The following TSPAN14 variants were observed in gnomAD, a reference collection of about 807,000 sequenced individuals.
TSPAN14 encodes tetraspanin-14.
Under a neutral mutation model 36.6 loss-of-function variants are expected in TSPAN14, and 16 were observed. The ratio of observed to expected loss-of-function variants is 0.44; its 90% CI spans 0.30 to 0.66. The LOEUF (loss-of-function observed/expected upper bound fraction) is 0.66, where lower values mean the gene tolerates loss of function less well. Among genes scored for constraint, TSPAN14 ranks in the 30% least tolerant of loss-of-function variants. The pLI, the probability that TSPAN14 is intolerant of heterozygous loss-of-function variation, is 0.12. For synonymous variants in TSPAN14, 139 were observed against 143.8 expected (o/e 0.97, Z 0.24); for missense variants, 231 against 355.1 (o/e 0.65, Z 2.81).
In TSPAN14 at chr10:80,509,322, A is replaced by G. The variant is rs779860643; in HGVS notation, c.301A>G (p.Ile101Val). The G allele has an allele frequency of 6.2e-7, 1 of 1,613,918 alleles. No individual in the cohort carries two copies. Among genetic ancestry groups the G allele is most frequent in the East Asian group, 2.2e-5 (1 of 44,858 alleles). The change falls in exon 5 of 9, where the codon ATC becomes GTC. Residue 101 changes from isoleucine (I) to valine (V), a missense_variant. Transcript: ENST00000429989. The surrounding 1 kb of genome is among the most constrained non-coding windows in gnomAD (Gnocchi z 4.7). The stretch of plus-strand genomic sequence containing the variant: ...GCAGTTCTGTGGCACCATCGTGCTC[A>G]TCTTCTTCCTGGAGCTGGCTGTGGC...
At chr10:80,461,999 C>T (rs1434633971) in intron 1 of TSPAN14, among the ~76,000 whole-genome samples, 1 of 151,922 alleles carries the variant, frequency 6.6e-6, no homozygotes, top group East Asian at 1.9e-4. Flanking sequence ...CTGAGGCCTC[C>T]ACCTTCCTGG....
At chr10:80,513,519 T>TAAAA (rs2132062214) in intron 6 of TSPAN14, among the ~76,000 whole-genome samples, 1 of 152,360 alleles carries the variant, frequency 6.6e-6, no homozygotes, top group South Asian at 2.1e-4. Flanking sequence ...GTGTTGCTTT[T>TAAAA]AGCACATATA....
At chr10:80,468,985 G>C (rs1313828279) in intron 1 of TSPAN14, among the ~76,000 whole-genome samples, 1 of 152,148 alleles carries the variant, frequency 6.6e-6, no homozygotes, top group African/African-American at 2.4e-5. Flanking sequence ...GTTTAAAGTT[G>C]TCGACTTTAA....
intron 1 of TSPAN14, among the ~76,000 whole-genome samples, chr10:80,482,320 T>C (rs1847322430): frequency 6.6e-6 from 1 of 152,196 alleles, no homozygotes; most frequent in Non-Finnish European, 1.5e-5. Context: ...GGAGTCTCGC[T>C]CTGTGGCTCA....
intron 5 of TSPAN14, among the ~76,000 whole-genome samples, chr10:80,511,220 C>T (rs2132055892): frequency 6.6e-6 from 1 of 152,268 alleles, no homozygotes; most frequent in South Asian, 2.1e-4. Flanking sequence ...TTCTTTGTAG[C>T]CACACCAGAT....
At chr10:80,478,568 A>G (rs1847056809) in intron 1 of TSPAN14, among the ~76,000 whole-genome samples, 2 of 152,210 alleles carry the variant, frequency 1.3e-5, no homozygotes. Context: ...TGCTTGGAAG[A>G]AGGGGATGAT....
intron 1 of TSPAN14, among the ~76,000 whole-genome samples, chr10:80,472,555 TTTTAGGA>T: frequency 6.6e-6 from 1 of 152,150 alleles, no homozygotes; most frequent in African/African-American, 2.4e-5. Context: ...TCATGACTGG[TTTTAGGA>T]CCCATTGCAG....
In TSPAN14 at chr10:80,504,769, G is replaced by A; in HGVS notation, c.123G>A (p.Trp41Ter). ...TCCTTGGAGTCGGGCTGTGGGCATG[G>A]AGCGAAAAGGTAGGTGTAACTGTCG... The change falls in exon 3 of 9, where the codon TGG (tryptophan) becomes TGA (stop). Residue 41 changes from tryptophan to a stop codon, truncating the protein, a stop_gained. Transcript: ENST00000429989. LOFTEE classifies it high-confidence loss of function. The A allele has an allele frequency of 1.2e-6, 2 of 1,614,186 alleles. No homozygotes were observed. The highest frequency in any genetic ancestry group is 1.7e-6 in the Non-Finnish European group (2 of 1,180,016).
intron 1 of TSPAN14, chr10:80,466,336 C>T (rs563464607): frequency 6.6e-6 from 1 of 152,206 alleles, no homozygotes; most frequent in African/African-American, 2.4e-5. Context: ...TTAGTGTAGC[C>T]CCCACCTCCC....
At chr10:80,462,621 T>C (rs1846039423) in intron 1 of TSPAN14, among the ~76,000 whole-genome samples, 1 of 152,184 alleles carries the variant, frequency 6.6e-6, no homozygotes. Flanking sequence ...TAAAGGAAGC[T>C]TTTAAACAAC....
chr10:80,507,469 G>A, intron 4 of TSPAN14, 95 bp downstream of exon 4: 1 of 1,538,144 alleles, frequency 6.5e-7, no homozygotes, highest in Non-Finnish European at 8.8e-7. Context: ...GCAGGTGGCA[G>A]CTCTTAGGAG....
chr10:80,496,674 C>T (rs1240765092), intron 2 of TSPAN14, among the ~76,000 whole-genome samples: 1 of 152,058 alleles, frequency 6.6e-6, no homozygotes, highest in Non-Finnish European at 1.5e-5. Context: ...AGTGTTTTAC[C>T]ATTCTCCTTT....
exon 9 of TSPAN14, chr10:80,520,771 G>A (rs924046948): frequency 9.4e-6 from 5 of 533,232 alleles, no homozygotes; most frequent in South Asian, 2.8e-5. Flanking sequence ...CATGCCCCAC[G>A]TAGCTGAAAG....
chr10:80,481,915 G>A (rs1204289192), intron 1 of TSPAN14, among the ~76,000 whole-genome samples: 4 of 152,088 alleles, frequency 2.6e-5, no homozygotes, highest in Admixed American at 6.5e-5. Context: ...CACCATGCCC[G>A]GCTAATTGTT....
At chr10:80,485,636 C>A in intron 1 of TSPAN14, 1 of 985,410 alleles carries the variant, frequency 1.0e-6, no homozygotes, top group Non-Finnish European at 1.2e-6. Flanking sequence ...GATCTGCCAG[C>A]CCCACAGAGG....
At chr10:80,514,591 C>T (rs1408112604) in intron 7 of TSPAN14, among the ~76,000 whole-genome samples, 1 of 152,040 alleles carries the variant, frequency 6.6e-6, no homozygotes, top group Non-Finnish European at 1.5e-5. Context: ...TTCTAGTGGT[C>T]TTTGGTGATA....
chr10:80,480,420 C>A lies in TSPAN14; in HGVS notation c.-17-8797C>A, dbSNP rs552777203. ...AGAAATACCATTTGACTCAGCCATC[C>A]CATTACTGGGTATATACCCAAAGGT... On this transcript the variant is annotated intron_variant, in intron 1 of 8. Transcript: ENST00000429989. 1.1e-4 allele frequency among the ~76,000 whole-genome samples: 17 copies of A among 152,274 alleles called. No individual in the cohort carries two copies. The South Asian group carries it at 3.3e-3, about 30-fold the overall frequency.
intron 1 of TSPAN14, among the ~76,000 whole-genome samples, chr10:80,456,311 G>A (rs1409988242): frequency 6.6e-6 from 1 of 152,174 alleles, no homozygotes; most frequent in Non-Finnish European, 1.5e-5. Flanking sequence ...GCCCCAGGAA[G>A]AAAGGGCATG....
At chr10:80,510,647 G>A (rs555980442) in intron 5 of TSPAN14, among the ~76,000 whole-genome samples, 10 of 152,292 alleles carry the variant, frequency 6.6e-5, no homozygotes, top group Non-Finnish European at 1.3e-4. Flanking sequence ...GGCTGAGGCG[G>A]GTGGATCACA....
Sources: allele counts gnomAD v4.1 joint callset (sites outside exome capture counted in the v4.1 genomes callset), GRCh38; gene constraint gnomAD v4.1.1; non-coding constraint Gnocchi (gnomAD v3.1); transcripts MANE v1.5; gene names NCBI Gene and HGNC (gene_info 2026-07-23, HGNC 2026-07-21).